SLC2A9: variants seen among roughly 807,000 people sequenced by gnomAD.
SLC2A9 encodes the protein solute carrier family 2 member 9.
Under a neutral mutation model 50.6 loss-of-function variants are expected in SLC2A9, and 39 were observed. The observed-to-expected ratio is 0.77, with a 90% confidence interval of 0.60 to 1.01. SLC2A9 has a LOEUF of 1.01. Among genes scored for constraint, SLC2A9 ranks in the 50% least tolerant of loss-of-function variants. The pLI is 0.00. For synonymous variants in SLC2A9, 324 were observed against 276.9 expected (o/e 1.17, Z -1.69); for missense variants, 686 against 677.6 (o/e 1.01, Z -0.14).
intron 3 of SLC2A9, among the ~76,000 whole-genome samples, chr4:9,986,752 C>T (rs946566825): frequency 2.6e-5 from 4 of 152,158 alleles, no homozygotes; most frequent in African/African-American, 9.7e-5. Context: ...ATTTCCATGG[C>T]AATAATTATT....
At chr4:9,975,406 CA>C (rs1383621484) in intron 5 of SLC2A9, among the ~76,000 whole-genome samples, 3 of 151,798 alleles carry the variant, frequency 2.0e-5, no homozygotes, top group African/African-American at 7.3e-5. Flanking sequence ...ATTGAACAAG[CA>C]AAAAACAAAT....
chr4:10,024,079 C>A (rs996566276), upstream of SLC2A9, among the ~76,000 whole-genome samples: 2 of 152,228 alleles, frequency 1.3e-5, no homozygotes, highest in Non-Finnish European at 1.5e-5. Flanking sequence ...CAGGCCCTCA[C>A]TTCTGACTGC....
chr4:9,834,796 A>C lies in SLC2A9; in HGVS notation c.1419+85T>G, dbSNP rs566688996. The C allele has an allele frequency of 3.8e-6, 6 of 1,590,976 alleles. No individual in the cohort carries two copies. In the South Asian group the frequency reaches 6.7e-5, roughly 18 times the overall value. On this transcript the variant is annotated intron_variant, in intron 11 of 11. Transcript: ENST00000264784. ...TGAGTTTCCAGTTGAGAGGAGAGAG[A>C]TCAACTTCTGCTCTATGAATCACCC... is the stretch of plus-strand genomic sequence containing the variant.
At chr4:9,824,686 T>C (rs2109065218), downstream of SLC2A9, among the ~76,000 whole-genome samples, 1 of 152,386 alleles carries the variant, frequency 6.6e-6, no homozygotes, top group South Asian at 2.1e-4. Flanking sequence ...TCTTGCTTAC[T>C]GATACATCTT....
At chr4:9,889,833 G>A (rs2109772254) in intron 9 of SLC2A9, among the ~76,000 whole-genome samples, 1 of 152,352 alleles carries the variant, frequency 6.6e-6, no homozygotes, top group South Asian at 2.1e-4. Flanking sequence ...AAGCTGCCCT[G>A]AGCCATGCAG....
At chr4:9,773,594 G>T (rs1429529663) in intron 1 of SLC2A9, among the ~76,000 whole-genome samples, 5 of 152,342 alleles carry the variant, frequency 3.3e-5, no homozygotes, top group African/African-American at 7.2e-5. Context: ...GCACAATTTT[G>T]CAGGAGCCAG....
intron 2 of SLC2A9, chr4:10,006,587 C>T (rs537032610): frequency 2.6e-5 from 4 of 152,280 alleles, no homozygotes; most frequent in South Asian, 4.2e-4. Flanking sequence ...ACAATCCCAG[C>T]AGTGCTACCT....
chr4:9,941,439 A>G (rs1352436566), intron 6 of SLC2A9, among the ~76,000 whole-genome samples: 1 of 152,200 alleles, frequency 6.6e-6, no homozygotes, highest in East Asian at 1.9e-4. Flanking sequence ...AAGCACTCAG[A>G]CCAGTGCCTG....
At chr4:9,819,791 G>A (rs1724152488) in intron 3 of SLC2A9, among the ~76,000 whole-genome samples, 1 of 152,318 alleles carries the variant, frequency 6.6e-6, no homozygotes. Flanking sequence ...ACAATCAGCT[G>A]GGTGCAGTGA....
intron 6 of SLC2A9, among the ~76,000 whole-genome samples, chr4:9,925,027 A>G (rs1744643804): frequency 6.6e-6 from 1 of 152,112 alleles, no homozygotes; most frequent in Non-Finnish European, 1.5e-5. Context: ...ATCCAGTCCA[A>G]ATTCTCATCT....
chr4:9,795,226 T>C (rs1304784190), downstream of SLC2A9, among the ~76,000 whole-genome samples: 4 of 151,966 alleles, frequency 2.6e-5, no homozygotes, highest in Admixed American at 2.0e-4. Context: ...TTGGCCAGGG[T>C]ACCTCGATCT....
At chr4:9,776,359 C>T (rs568577068), downstream of SLC2A9, among the ~76,000 whole-genome samples, 2 of 151,952 alleles carry the variant, frequency 1.3e-5, no homozygotes, top group African/African-American at 2.4e-5. Flanking sequence ...TCATCCTTCT[C>T]GCCACTGATA....
chr4:9,786,240 AC>A (rs1719202146), intron 3 of SLC2A9, among the ~76,000 whole-genome samples: 1 of 152,160 alleles, frequency 6.6e-6, no homozygotes. Flanking sequence ...CACTTTTATT[AC>A]CCCATTTTAC....
At chr4:9,813,732 G>A (rs1723178671) in intron 3 of SLC2A9, among the ~76,000 whole-genome samples, 2 of 152,090 alleles carry the variant, frequency 1.3e-5, no homozygotes, top group Non-Finnish European at 2.9e-5. Flanking sequence ...AAGTCAAAAG[G>A]AAAGAATCTA....
intron 8 of SLC2A9, among the ~76,000 whole-genome samples, chr4:9,902,598 C>T (rs1400379088): frequency 2.6e-5 from 4 of 152,178 alleles, no homozygotes; most frequent in Non-Finnish European, 5.9e-5. Context: ...AGGGCCCTGC[C>T]TCTGGAGGCG....
intron 1 of SLC2A9, among the ~76,000 whole-genome samples, chr4:9,773,776 C>T (rs916730179): frequency 6.6e-6 from 1 of 152,160 alleles, no homozygotes; most frequent in East Asian, 1.9e-4. Flanking sequence ...GCTTTTAATT[C>T]TGCTCAACTC....
chr4:9,788,253 T>A (rs1192401750), intron 3 of SLC2A9, among the ~76,000 whole-genome samples: 1 of 152,126 alleles, frequency 6.6e-6, no homozygotes, highest in Non-Finnish European at 1.5e-5. Context: ...AGCAGTGGCA[T>A]GATCACAGAT....
At chr4:9,943,484 G>C (rs903454708) in intron 5 of SLC2A9, among the ~76,000 whole-genome samples, 1 of 152,158 alleles carries the variant, frequency 6.6e-6, no homozygotes, top group Admixed American at 6.5e-5. Context: ...GCTGTCGGGG[G>C]CCCAGGAGGG....
intron 1 of SLC2A9, 171 bp from the exon 2 acceptor site, chr4:10,019,244 T>C (rs1315196605): frequency 6.4e-6 from 4 of 629,116 alleles, no homozygotes; most frequent in Non-Finnish European, 1.1e-5. Flanking sequence ...GCAAGTAGGG[T>C]TCCAGTCCAG....
Sources: allele counts gnomAD v4.1 joint callset (sites outside exome capture counted in the v4.1 genomes callset), GRCh38; gene constraint gnomAD v4.1.1; transcripts MANE v1.5; gene names NCBI Gene and HGNC (gene_info 2026-07-23, HGNC 2026-07-21).